Variants in HMGCLL1 observed in about 807,000 individuals in gnomAD.
The protein encoded by HMGCLL1 is 3-hydroxy-3-methylglutaryl-CoA lyase like 1.
HMGCLL1 carries 36 observed loss-of-function variants against 39.1 expected under a neutral mutation model. The observed-to-expected ratio is 0.92, with a 90% CI of 0.71 to 1.22. The LOEUF (loss-of-function observed/expected upper bound fraction) is 1.22, where lower values mean the gene tolerates loss of function less well. Among genes scored for constraint, HMGCLL1 ranks in the 50% most tolerant of loss-of-function variants. The probability of loss-of-function intolerance (pLI) is 0.00; values close to 1 mark genes in which losing one functional copy is unlikely to be tolerated. For synonymous variants in HMGCLL1, 149 were observed against 144.0 expected (o/e 1.03, Z -0.25); for missense variants, 451 against 416.5 (o/e 1.08, Z -0.72).
chr6:55,627,898 TAGTATATATACTA>T, the HMGCLL1 span, among the ~76,000 whole-genome samples: 1 of 32,368 alleles, frequency 3.1e-5, no homozygotes, highest in Non-Finnish European at 5.0e-5. Flanking sequence ...TATATATATA[TAGTATATATACTA>T]TATATATATA....
At position 55,540,255 on chromosome 6, in the gene HMGCLL1, C is replaced by T. The variant is rs1389455640; in HGVS notation, c.297+1474G>A. On this transcript the variant is annotated intron_variant, in intron 3 of 8. Coordinates refer to ENST00000274901, the MANE Select transcript of HMGCLL1 (RefSeq NM_001042406.2). ...ACTGAAAAGAAGACACAGGTGTAGG[C>T]CATACTGAAGAAGAAGACATTTCAT... Among the ~76,000 whole-genome samples the T allele has an allele frequency of 2.0e-5, 3 of 152,004 alleles. No homozygotes were observed. In the East Asian group the frequency reaches 5.8e-4, roughly 29 times the overall value.
the HMGCLL1 span, among the ~76,000 whole-genome samples, chr6:55,616,087 T>C: frequency 2.0e-5 from 3 of 152,172 alleles, no homozygotes; most frequent in African/African-American, 7.2e-5. Context: ...CTGCAGTAGA[T>C]TATAAAAATA....
rs200924976 is a variant in HMGCLL1, at chr6:55,478,664, C to CAT, written c.795+16753_795+16754dup. Among the ~76,000 whole-genome samples, 631 of 151,142 alleles carry CAT rather than the reference C, an allele frequency of 4.2e-3. 30 individuals carry two copies. Among genetic ancestry groups the CAT allele is most frequent in the African/African-American group, 0.015 (595 of 40,922 alleles). On this transcript the variant is annotated intron_variant, in intron 7 of 8. Transcript: ENST00000274901. Reference sequence around the variant, plus strand: ...GTCATGTAGATACCTAAAAATTTTTCATATATATATATTTATTTTCTCTAT... The same window carrying CAT: ...GTCATGTAGATACCTAAAAATTTTTCATATATATATATATTTATTTTCTCTAT...
the HMGCLL1 span, among the ~76,000 whole-genome samples, chr6:55,676,265 A>C: frequency 2.6e-5 from 4 of 152,188 alleles, no homozygotes; most frequent in Non-Finnish European, 5.9e-5. Context: ...AACAAAAAAA[A>C]CAAGGGGCTG....
chr6:55,599,609 T>C, the HMGCLL1 span, among the ~76,000 whole-genome samples: 1 of 152,092 alleles, frequency 6.6e-6, no homozygotes, highest in Non-Finnish European at 1.5e-5. Context: ...TAAAGAAAAA[T>C]AAGTACTAAC....
intron 1 of HMGCLL1, among the ~76,000 whole-genome samples, chr6:55,553,247 A>ATGTGTGTGTGTGTG (rs1770461613): frequency 4.0e-5 from 2 of 50,034 alleles, no homozygotes; most frequent in Admixed American, 2.4e-4. Context: ...TTACATATAT[A>ATGTGTGTGTGTGTG]CGTGTGTGTG....
chr6:55,619,229 G>T, the HMGCLL1 span, among the ~76,000 whole-genome samples: 2 of 152,126 alleles, frequency 1.3e-5, no homozygotes, highest in Middle Eastern at 3.4e-3. Flanking sequence ...TTTGGTCTGT[G>T]CACTCATGTG....
the HMGCLL1 span, among the ~76,000 whole-genome samples, chr6:55,611,473 C>T: frequency 1.3e-5 from 2 of 152,070 alleles, no homozygotes; most frequent in Admixed American, 6.6e-5. Flanking sequence ...ATGAGGCCAG[C>T]GTTATCCTGA....
chr6:55,489,653 G>A (rs1766213446), intron 7 of HMGCLL1, among the ~76,000 whole-genome samples: 3 of 151,614 alleles, frequency 2.0e-5, no homozygotes. Flanking sequence ...TATGTCTGAA[G>A]GAAATAAAAT....
chr6:55,579,000 C>T lies in HMGCLL1; in HGVS notation c.56G>A (p.Arg19Gln). 3.7e-6 allele frequency: 6 copies of T among 1,613,736 alleles called. No homozygotes were observed. The highest frequency in any genetic ancestry group is 5.1e-6 in the Non-Finnish European group (6 of 1,179,878). ...KHCLSYQQLL[R>Q]EHLWIGDSVA... ...TGAATCCCCGATCCAGAGATGCTCCCGGAGAAGCTGCTGGTAGCTGAGGCA... is the reference window on the plus strand; with the variant it reads ...TGAATCCCCGATCCAGAGATGCTCCTGGAGAAGCTGCTGGTAGCTGAGGCA... The change falls in exon 1 of 9, where the codon CGG (arginine) becomes CAG (glutamine). Residue 19 changes from arginine (R) to glutamine (Q), a missense_variant. By Grantham distance (43) the Arg-to-Gln change is conservative (BLOSUM62 1). Transcript: ENST00000274901.
At chr6:55,481,877 C>T (rs560972906) in intron 7 of HMGCLL1, among the ~76,000 whole-genome samples, 3 of 152,042 alleles carry the variant, frequency 2.0e-5, no homozygotes, top group African/African-American at 4.8e-5. Context: ...TTAATATTTG[C>T]CATAAGATAT....
chr6:55,590,534 AG>A, the HMGCLL1 span, among the ~76,000 whole-genome samples: 1 of 152,168 alleles, frequency 6.6e-6, no homozygotes, highest in African/African-American at 2.4e-5. Context: ...TGGCAACAAA[AG>A]CCAAAATTGA....
At chr6:55,551,206 TACCAAA>T (rs1770311714) in intron 1 of HMGCLL1, among the ~76,000 whole-genome samples, 1 of 151,812 alleles carries the variant, frequency 6.6e-6, no homozygotes, top group Admixed American at 6.6e-5. Context: ...TAAAGAAGAA[TACCAAA>T]AATTTCAGAT....
At chr6:55,663,204 G>T in the HMGCLL1 span, among the ~76,000 whole-genome samples, 1 of 150,470 alleles carries the variant, frequency 6.6e-6, no homozygotes, top group Non-Finnish European at 1.5e-5. Context: ...CTCTGATTTT[G>T]GTTATTTTTG....
At chr6:55,611,635 C>G in the HMGCLL1 span, among the ~76,000 whole-genome samples, 9 of 152,146 alleles carry the variant, frequency 5.9e-5, no homozygotes, top group Non-Finnish European at 1.0e-4. Flanking sequence ...CAGCTTAACT[C>G]CTGGATGCAA....
the HMGCLL1 span, among the ~76,000 whole-genome samples, chr6:55,594,596 C>T: frequency 6.6e-6 from 1 of 152,144 alleles, no homozygotes; most frequent in African/African-American, 2.4e-5. Flanking sequence ...TTTCCAGATG[C>T]AACATATCTA....
intron 7 of HMGCLL1, among the ~76,000 whole-genome samples, chr6:55,490,487 T>G (rs2127419944): frequency 6.6e-6 from 1 of 152,310 alleles, no homozygotes; most frequent in Admixed American, 6.5e-5. Flanking sequence ...ATTTTTCTAC[T>G]ACTTGCCCAT....
At chr6:55,570,525 C>T (rs1771426046) in intron 1 of HMGCLL1, among the ~76,000 whole-genome samples, 1 of 152,194 alleles carries the variant, frequency 6.6e-6, no homozygotes, top group South Asian at 2.1e-4. Flanking sequence ...GCCATATAGT[C>T]TCTATCCCTG....
rs569908287 is a variant in HMGCLL1 at position 55,499,292 on chromosome 6, A to G, written c.550T>C (p.Ser184Pro). 1 of 1,597,854 alleles carries G rather than the reference A, an allele frequency of 6.3e-7. No individual in the cohort carries two copies. Among genetic ancestry groups the G allele is most frequent in the South Asian group, 1.1e-5 (1 of 87,498 alleles). The change falls in exon 6 of 9, where the codon TCT (serine) becomes CCT (proline). Residue 184 changes from serine (S) to proline (P), a missense_variant. Physicochemically the swap from Ser to Pro is moderately conservative, Grantham distance 74. Transcript: ENST00000274901. ...HMNIPARGYV[S>P]CALGCPYEGS... Reference sequence around the variant, plus strand: ...TCATATGGACAGCCCAGAGCACAAGACACATACCTAAATTAAAAATACAGC... The same window carrying G: ...TCATATGGACAGCCCAGAGCACAAGGCACATACCTAAATTAAAAATACAGC...
Sources: gnomAD v4.1 joint callset for allele counts (sites outside exome capture counted in the v4.1 genomes callset) on GRCh38, gnomAD v4.1.1 for gene constraint, MANE v1.5 for transcripts, NCBI Gene and HGNC (gene_info 2026-07-23, HGNC 2026-07-21) for gene names.